ADAMTS20: variants seen among roughly 807,000 people sequenced by gnomAD.
ADAMTS20 encodes the protein ADAM metallopeptidase with thrombospondin type 1 motif 20.
Under a neutral mutation model 260.1 loss-of-function variants are expected in ADAMTS20, and 225 were observed. That is an observed-to-expected ratio of 0.87 (90% CI 0.78 to 0.97). The LOEUF (loss-of-function observed/expected upper bound fraction) is 0.97. Among genes scored for constraint, ADAMTS20 ranks in the 50% least tolerant of loss-of-function variants. The pLI is 0.00. For synonymous variants in ADAMTS20, 802 were observed against 769.5 expected (o/e 1.04, Z -0.70); for missense variants, 2,400 against 2,337.7 (o/e 1.03, Z -0.55).
rs530572227 is a variant in ADAMTS20, at chr12:43,386,003, T to C, written c.4453-2026A>G. On this transcript the variant is annotated intron_variant, in intron 29 of 38. Coordinates refer to ENST00000389420, the MANE Select transcript of ADAMTS20 (RefSeq NM_025003.5). ...TTTCTGTGGGATCAGTGGTGATATC[T>C]CCTTTATCATTTTTATTGTGTCTAT... 6.6e-4 allele frequency among the ~76,000 whole-genome samples: 100 copies of C among 152,232 alleles called. 1 individual carries two copies. Among genetic ancestry groups the C allele is most frequent in the Middle Eastern group, 3.4e-3 (1 of 294 alleles).
In ADAMTS20 at chr12:43,492,924, T is replaced by C. The variant is rs1159763495; in HGVS notation, c.951+246A>G. Among the ~76,000 whole-genome samples, 4 of 152,230 alleles carry C rather than the reference T, an allele frequency of 2.6e-5. No individual in the cohort carries two copies. In the East Asian group the frequency reaches 7.7e-4, roughly 29 times the overall value. On this transcript the variant is annotated intron_variant, in intron 5 of 38. Transcript: ENST00000389420. ...ACATTAGGATTATAAAAATGAATAC[T>C]AAGGTTTTCAATATTTTATTTTTGA... is the stretch of plus-strand genomic sequence containing the variant.
In ADAMTS20 at chr12:43,389,691, T is replaced by G. The variant is rs1214242325; in HGVS notation, c.4453-5714A>C. The stretch of plus-strand genomic sequence containing the variant: ...CTTAGTGGGGACAATTCAGCCAGGT[T>G]TTTTTTGTTTTTGTTTTTGTTTTTG... On this transcript the variant is annotated intron_variant, in intron 29 of 38. Coordinates refer to ENST00000389420, the MANE Select transcript of ADAMTS20 (RefSeq NM_025003.5). 7.3e-5 allele frequency among the ~76,000 whole-genome samples: 11 copies of G among 151,722 alleles called. No individual in the cohort carries two copies. In the East Asian group the frequency reaches 2.1e-3, roughly 29 times the overall value.
At chr12:43,457,351 T>C (rs1199888077) in intron 11 of ADAMTS20, among the ~76,000 whole-genome samples, 1 of 152,188 alleles carries the variant, frequency 6.6e-6, no homozygotes, top group African/African-American at 2.4e-5. Flanking sequence ...GATCTCTCTC[T>C]TAAATTATCT....
intron 28 of ADAMTS20, among the ~76,000 whole-genome samples, chr12:43,402,780 T>C (rs1488855218): frequency 3.9e-5 from 6 of 152,126 alleles, no homozygotes; most frequent in Non-Finnish European, 8.8e-5. Flanking sequence ...TATTTAGTGC[T>C]GTATAATTCA....
At chr12:43,408,674 T>C (rs1940965196) in intron 28 of ADAMTS20, among the ~76,000 whole-genome samples, 1 of 152,216 alleles carries the variant, frequency 6.6e-6, no homozygotes, top group Non-Finnish European at 1.5e-5. Flanking sequence ...CTGTTTTCCA[T>C]ATGTAAAAAA....
At chr12:43,523,852 A>G (rs1485505501) in intron 3 of ADAMTS20, among the ~76,000 whole-genome samples, 6 of 133,976 alleles carry the variant, frequency 4.5e-5, no homozygotes, top group Non-Finnish European at 9.7e-5. Context: ...GGCTTTGTCC[A>G]TGCCCCAGCA....
chr12:43,498,373 A>T (rs1300417197), intron 4 of ADAMTS20, among the ~76,000 whole-genome samples: 1 of 152,198 alleles, frequency 6.6e-6, no homozygotes, highest in African/African-American at 2.4e-5. Flanking sequence ...TAGATAATCC[A>T]AGTTGTGTAT....
chr12:43,449,918 A>G (rs1941834035), intron 14 of ADAMTS20, among the ~76,000 whole-genome samples: 1 of 152,170 alleles, frequency 6.6e-6, no homozygotes, highest in Non-Finnish European at 1.5e-5. Flanking sequence ...AATAAAACCT[A>G]GGAATCTGCA....
At chr12:43,371,795 A>C (rs959086323) in intron 36 of ADAMTS20, among the ~76,000 whole-genome samples, 2 of 152,220 alleles carry the variant, frequency 1.3e-5, no homozygotes, top group Non-Finnish European at 2.9e-5. Flanking sequence ...TGGAAAGGTC[A>C]TGGTGACTCT....
chr12:43,378,405 G>A (rs1042687991), intron 31 of ADAMTS20, among the ~76,000 whole-genome samples: 3 of 152,154 alleles, frequency 2.0e-5, no homozygotes, highest in Non-Finnish European at 4.4e-5. Context: ...TGATCACACA[G>A]AACCAAATAT....
At chr12:43,453,849 G>A (rs1320386261) in intron 12 of ADAMTS20, 58 bp downstream of exon 12, 16 of 1,542,070 alleles carry the variant, frequency 1.0e-5, no homozygotes, top group Non-Finnish European at 1.3e-5. Flanking sequence ...TGAAACTGAT[G>A]TTTACTTTCT....
chr12:43,525,580 A>G (rs1398223992), intron 3 of ADAMTS20, among the ~76,000 whole-genome samples: 2 of 152,216 alleles, frequency 1.3e-5, no homozygotes, highest in Non-Finnish European at 2.9e-5. Context: ...ACAGATGGGC[A>G]GAATGGATTT....
intron 28 of ADAMTS20, among the ~76,000 whole-genome samples, chr12:43,411,649 T>C (rs983525138): frequency 6.6e-6 from 1 of 152,232 alleles, no homozygotes; most frequent in African/African-American, 2.4e-5. Flanking sequence ...ATTACAGGCA[T>C]GAGTCACCAC....
chr12:43,370,875 G>A (rs1940092555), intron 36 of ADAMTS20, among the ~76,000 whole-genome samples: 1 of 152,050 alleles, frequency 6.6e-6, no homozygotes, highest in Non-Finnish European at 1.5e-5. Context: ...TTCTCAAATA[G>A]GTATCCTAAC....
chr12:43,478,330 T>C (rs1942390571), intron 7 of ADAMTS20, among the ~76,000 whole-genome samples: 1 of 151,848 alleles, frequency 6.6e-6, no homozygotes, highest in African/African-American at 2.4e-5. Context: ...TAATTTATAT[T>C]AGTAAAATGG....
chr12:43,434,157 T>A, intron 19 of ADAMTS20, 88 bp downstream of exon 19: 1 of 1,345,488 alleles, frequency 7.4e-7, no homozygotes, highest in Non-Finnish European at 1.0e-6. Context: ...AATAATTGCA[T>A]GTCCATGCTG....
At chr12:43,464,024 A>C (rs1293894077) in intron 10 of ADAMTS20, among the ~76,000 whole-genome samples, 1 of 152,152 alleles carries the variant, frequency 6.6e-6, no homozygotes, top group Non-Finnish European at 1.5e-5. Flanking sequence ...CCCCCATATA[A>C]AAGAAAATCA....
rs537398713 is a variant in ADAMTS20 at position 43,543,765 on chromosome 12, C to T, written c.453+7144G>A. Among the ~76,000 whole-genome samples the T allele has an allele frequency of 7.2e-5, 11 of 152,152 alleles. No homozygotes were observed. In the South Asian group the frequency reaches 1.2e-3, roughly 17 times the overall value. ...CTTTCTTTTTCCTAGGAAAAATCAA[C>T]GCCCCTCATTTTCCAGTCTTTTTTA... On this transcript the variant is annotated intron_variant, in intron 2 of 38. Coordinates refer to ENST00000389420, the MANE Select transcript of ADAMTS20 (RefSeq NM_025003.5).
intron 27 of ADAMTS20, 84 bp from the exon 28 acceptor site, chr12:43,425,774 TA>T (rs1215720162): frequency 1.1e-6 from 1 of 900,710 alleles, no homozygotes; most frequent in African/African-American, 1.7e-5. Context: ...ACATAATTAG[TA>T]ATTATGTTTA....
Sources: allele counts gnomAD v4.1 joint callset (sites outside exome capture counted in the v4.1 genomes callset), GRCh38; gene constraint gnomAD v4.1.1; transcripts MANE v1.5; gene names NCBI Gene and HGNC (gene_info 2026-07-23, HGNC 2026-07-21).